PCDH9: variants seen among roughly 807,000 people sequenced by gnomAD.
PCDH9 encodes protocadherin-9.
PCDH9 carries 24 observed loss-of-function variants against 70.6 expected under a neutral mutation model. The observed-to-expected ratio is 0.34, with a 90% CI of 0.25 to 0.48. PCDH9 has a LOEUF of 0.48. Ranked by LOEUF, PCDH9 falls within the 20% of genes least tolerant of loss-of-function variation. PCDH9 has a pLI of 0.99. For synonymous variants in PCDH9, 562 were observed against 558.5 expected (o/e 1.01, Z -0.09); for missense variants, 1,281 against 1,503.6 (o/e 0.85, Z 2.45).
chr13:66,960,126 T>A (rs1480558422), intron 2 of PCDH9, among the ~76,000 whole-genome samples: 3 of 152,216 alleles, frequency 2.0e-5, no homozygotes, highest in African/African-American at 7.2e-5. Context: ...TTTTTGTAAC[T>A]GGACTGAAAT....
intron 4 of PCDH9, among the ~76,000 whole-genome samples, chr13:66,509,065 G>T (rs756867159): frequency 3.9e-5 from 6 of 152,168 alleles, no homozygotes; most frequent in Non-Finnish European, 8.8e-5. Context: ...TAGGTTGTAT[G>T]TTGTATTAGA....
intron 4 of PCDH9, among the ~76,000 whole-genome samples, chr13:66,403,074 G>C (rs1057010155): frequency 1.4e-5 from 2 of 147,680 alleles, no homozygotes; most frequent in East Asian, 3.9e-4. Context: ...AGAATTATTG[G>C]TAACTCTTAA....
At chr13:66,724,015 AC>A (rs774001036) in intron 3 of PCDH9, among the ~76,000 whole-genome samples, 42 of 152,376 alleles carry the variant, frequency 2.8e-4, no homozygotes, top group African/African-American at 9.1e-4. Flanking sequence ...AAATGTGACA[AC>A]AGAATGCAGT....
chr13:66,707,036 C>A (rs1353355887), intron 3 of PCDH9, among the ~76,000 whole-genome samples: 1 of 152,106 alleles, frequency 6.6e-6, no homozygotes, highest in African/African-American at 2.4e-5. Flanking sequence ...GTAATCTTCC[C>A]AATTAATATG....
intron 2 of PCDH9, among the ~76,000 whole-genome samples, chr13:66,951,700 T>C (rs912366669): frequency 6.6e-6 from 1 of 152,196 alleles, no homozygotes; most frequent in Non-Finnish European, 1.5e-5. Flanking sequence ...CCCATAAAAA[T>C]AGTCAGATTT....
chr13:66,992,094 G>A (rs1045389201), intron 2 of PCDH9, among the ~76,000 whole-genome samples: 2 of 152,050 alleles, frequency 1.3e-5, no homozygotes, highest in Non-Finnish European at 2.9e-5. Flanking sequence ...AATATATTAG[G>A]ATAATGACCA....
chr13:67,049,941 AGAACAATGACTTCAGAAT>A (rs2085292105), intron 2 of PCDH9, among the ~76,000 whole-genome samples: 1 of 152,218 alleles, frequency 6.6e-6, no homozygotes, highest in Admixed American at 6.5e-5. Flanking sequence ...TTGCCTTCTG[AGAACAATGACTTCAGAAT>A]GAACAATAGT....
chr13:66,745,432 A>T (rs2079346150), intron 3 of PCDH9, among the ~76,000 whole-genome samples: 1 of 152,164 alleles, frequency 6.6e-6, no homozygotes, highest in Admixed American at 6.5e-5. Context: ...ATTGCGCCTG[A>T]CCAGGAGTTT....
At position 66,745,783 on chromosome 13, in the gene PCDH9, G is replaced by T. The variant is rs561062195; in HGVS notation, c.3139-114372C>A. Among the ~76,000 whole-genome samples the T allele has an allele frequency of 2.0e-5, 3 of 152,128 alleles. No individual in the cohort carries two copies. In the East Asian group the frequency reaches 5.8e-4, roughly 29 times the overall value. On this transcript the variant is annotated intron_variant, in intron 3 of 4. Coordinates refer to ENST00000377865, the MANE Select transcript of PCDH9 (RefSeq NM_203487.3). ...TGTGTGCATGAAAGAGTAATTTGTT[G>T]TGCACATAAAATAAAATTTATGTTT...
Position 66,321,045 on chromosome 13 carries a change from CA to C in PCDH9, c.3341-16018del, listed in dbSNP as rs1955744353. On this transcript the variant is annotated intron_variant, in intron 4 of 4. Transcript: ENST00000377865. Reference sequence around the variant, plus strand: ...ATTCTCCTTTCAATTGGATATGCTACAAACACCTCAGGCAGAGCTTAAGACA... The same window carrying C: ...ATTCTCCTTTCAATTGGATATGCTACAACACCTCAGGCAGAGCTTAAGACA... 2.6e-5 allele frequency among the ~76,000 whole-genome samples: 4 copies of C among 152,074 alleles called. No homozygotes were observed. The South Asian group carries it at 8.3e-4, about 31-fold the overall frequency.
intron 3 of PCDH9, among the ~76,000 whole-genome samples, chr13:66,636,795 C>G (rs968901457): frequency 6.6e-6 from 1 of 151,908 alleles, no homozygotes; most frequent in Non-Finnish European, 1.5e-5. Context: ...CACATACCAT[C>G]AAGAAAGTAC....
At chr13:66,690,186 T>C (rs2139081528) in intron 3 of PCDH9, among the ~76,000 whole-genome samples, 1 of 152,352 alleles carries the variant, frequency 6.6e-6, no homozygotes, top group African/African-American at 2.4e-5. Context: ...CTTCTAGTAT[T>C]TAAACAATAC....
chr13:66,650,057 T>C (rs973499878), intron 3 of PCDH9, among the ~76,000 whole-genome samples: 7 of 146,180 alleles, frequency 4.8e-5, no homozygotes, highest in African/African-American at 7.5e-5. Context: ...AAAAGGAAGA[T>C]AGGAAGGAAG....
intron 2 of PCDH9, among the ~76,000 whole-genome samples, chr13:67,169,534 C>T (rs1183050757): frequency 1.3e-5 from 2 of 152,064 alleles, no homozygotes; most frequent in Non-Finnish European, 2.9e-5. Flanking sequence ...CTGAAGTGCT[C>T]ATTGTTTAAT....
chr13:67,162,202 A>G (rs991833782), intron 2 of PCDH9, among the ~76,000 whole-genome samples: 4 of 152,248 alleles, frequency 2.6e-5, no homozygotes, highest in Admixed American at 6.5e-5. Flanking sequence ...ATGTGCAGGT[A>G]CACACAACTA....
chr13:67,104,726 T>C (rs1390915266), intron 2 of PCDH9, among the ~76,000 whole-genome samples: 1 of 152,086 alleles, frequency 6.6e-6, no homozygotes, highest in Non-Finnish European at 1.5e-5. Flanking sequence ...TTTTTTTGTA[T>C]TTTTAGTAGA....
At chr13:66,987,714 AAAT>A (rs1202766524) in intron 2 of PCDH9, among the ~76,000 whole-genome samples, 1 of 151,820 alleles carries the variant, frequency 6.6e-6, no homozygotes, top group African/African-American at 2.4e-5. Context: ...ATTTTATTTT[AAAT>A]AATAATTATC....
At chr13:66,786,496 A>G (rs1322484133) in intron 3 of PCDH9, among the ~76,000 whole-genome samples, 2 of 152,220 alleles carry the variant, frequency 1.3e-5, no homozygotes, top group Non-Finnish European at 2.9e-5. Flanking sequence ...AAAATACAGA[A>G]GAAGAAAGTT....
At chr13:66,391,367 G>A (rs1342017918) in intron 4 of PCDH9, among the ~76,000 whole-genome samples, 5 of 152,094 alleles carry the variant, frequency 3.3e-5, no homozygotes, top group Admixed American at 6.6e-5. Context: ...ATAATGTAAC[G>A]AGAAGGTTTC....
Sources: gnomAD v4.1 joint callset for allele counts (sites outside exome capture counted in the v4.1 genomes callset) on GRCh38, gnomAD v4.1.1 for gene constraint, MANE v1.5 for transcripts, NCBI Gene and HGNC (gene_info 2026-07-23, HGNC 2026-07-21) for gene names.